IL1R1: variants seen among roughly 807,000 people sequenced by gnomAD.
The protein encoded by IL1R1 is interleukin 1 receptor type 1, also known as interleukin-1 receptor type 1.
A neutral mutation model predicts 50.2 loss-of-function variants in IL1R1; 22 were observed. The observed-to-expected ratio is 0.44, with a 90% CI of 0.31 to 0.63. The LOEUF is 0.63. Among genes scored for constraint, IL1R1 ranks in the 20% least tolerant of loss-of-function variants. The pLI, the probability that IL1R1 is intolerant of heterozygous loss-of-function variation, is 0.07. For synonymous variants in IL1R1, 251 were observed against 236.7 expected (o/e 1.06, Z -0.55); for missense variants, 509 against 676.2 (o/e 0.75, Z 2.74).
At chr2:102,130,246 G>A (rs1256990039) in intron 1 of IL1R1, among the ~76,000 whole-genome samples, 1 of 152,186 alleles carries the variant, frequency 6.6e-6, no homozygotes, top group Non-Finnish European at 1.5e-5. Flanking sequence ...ACTCTGAAAG[G>A]ATCTCAGGAA....
At chr2:102,080,271 A>G (rs1404093563) in intron 1 of IL1R1, among the ~76,000 whole-genome samples, 1 of 152,188 alleles carries the variant, frequency 6.6e-6, no homozygotes, top group Non-Finnish European at 1.5e-5. Context: ...GTTTTAAAGT[A>G]CTCTCTTAAG....
upstream of IL1R1, among the ~76,000 whole-genome samples, chr2:102,139,571 G>A (rs1265314061): frequency 6.6e-6 from 1 of 152,264 alleles, no homozygotes; most frequent in African/African-American, 2.4e-5. Context: ...GGTGGGGGCT[G>A]GTGGGAGTTG....
chr2:102,131,370 G>C (rs767725826), intron 1 of IL1R1, among the ~76,000 whole-genome samples: 2 of 152,124 alleles, frequency 1.3e-5, no homozygotes, highest in Non-Finnish European at 2.9e-5. Flanking sequence ...TGCAAATAAG[G>C]ATGATAATAA....
intron 1 of IL1R1, among the ~76,000 whole-genome samples, chr2:102,152,059 G>A (rs1250274449): frequency 2.0e-5 from 3 of 152,090 alleles, no homozygotes; most frequent in Admixed American, 6.5e-5. Context: ...AACCTAGGAG[G>A]GATAGTGGCC....
At chr2:102,084,639 C>T (rs1006760850) in intron 1 of IL1R1, among the ~76,000 whole-genome samples, 1 of 152,184 alleles carries the variant, frequency 6.6e-6, no homozygotes, top group African/African-American at 2.4e-5. Flanking sequence ...CATTGTACTG[C>T]TGATGAACAT....
intron 9 of IL1R1, 95 bp downstream of exon 9, chr2:102,172,933 C>T (rs540517439): frequency 1.8e-5 from 14 of 792,810 alleles, no homozygotes; most frequent in Admixed American, 4.9e-5. Flanking sequence ...GCTTAGAACA[C>T]GCTTCACTTC....
chr2:102,172,155 C>T (rs1387315856), intron 8 of IL1R1: 5 of 501,950 alleles, frequency 1.0e-5, no homozygotes, highest in African/African-American at 4.3e-5. Context: ...CTTTCTCTTA[C>T]GTTATACATG....
At chr2:102,096,167 A>C (rs1470266134) in intron 1 of IL1R1, among the ~76,000 whole-genome samples, 1 of 152,114 alleles carries the variant, frequency 6.6e-6, no homozygotes, top group Non-Finnish European at 1.5e-5. Context: ...TTCATTTTCC[A>C]CTCAATGAAT....
chr2:102,161,927 C>T (rs3917264), intron 3 of IL1R1, among the ~76,000 whole-genome samples: 4,044 of 152,116 alleles, frequency 0.027, 132 homozygotes, highest in African/African-American at 0.074. Flanking sequence ...GTCTCAAACT[C>T]CTGACCTCAG....
intron 1 of IL1R1, among the ~76,000 whole-genome samples, chr2:102,137,201 A>T (rs1188076347): frequency 6.6e-6 from 1 of 152,196 alleles, no homozygotes; most frequent in Non-Finnish European, 1.5e-5. Flanking sequence ...GACTGAAGTT[A>T]TACGGTACAA....
chr2:102,126,506 A>G (rs897708659), intron 1 of IL1R1, among the ~76,000 whole-genome samples: 15 of 152,294 alleles, frequency 9.8e-5, no homozygotes, highest in African/African-American at 3.6e-4. Flanking sequence ...TGTGCGAAAA[A>G]TACTTTGTGT....
At chr2:102,114,713 T>G (rs896881572) in intron 1 of IL1R1, among the ~76,000 whole-genome samples, 3 of 152,230 alleles carry the variant, frequency 2.0e-5, no homozygotes, top group Non-Finnish European at 4.4e-5. Flanking sequence ...TCTAAGCTTC[T>G]TTTTTTCTCC....
chr2:102,080,595 G>A (rs141208164), intron 1 of IL1R1, among the ~76,000 whole-genome samples: 5 of 152,258 alleles, frequency 3.3e-5, no homozygotes, highest in African/African-American at 9.6e-5. Context: ...AGAGAAACTG[G>A]TACACTCATT....
intron 1 of IL1R1, among the ~76,000 whole-genome samples, chr2:102,110,545 C>T (rs1393779652): frequency 1.4e-5 from 2 of 148,064 alleles, no homozygotes; most frequent in Non-Finnish European, 1.5e-5. Flanking sequence ...TATTAGACTT[C>T]GGCAGTCTCA....
intron 11 of IL1R1, 146 bp downstream of exon 11, chr2:102,175,791 C>T: frequency 1.4e-6 from 1 of 734,630 alleles, no homozygotes; most frequent in Non-Finnish European, 2.4e-6. Flanking sequence ...ATGATTTTTA[C>T]ATTTATTAAA....
Position 102,134,814 on chromosome 2 carries a change from T to C in IL1R1, c.-83-19127T>C, listed in dbSNP as rs138429484. On this transcript the variant is annotated intron_variant, in intron 1 of 10. Transcript: ENST00000409329. ...AGAAACTCTCATCCTAGTAAACTTG[T>C]GGCTTTCCTCTTCTTTTAAACTTTT... Among the ~76,000 whole-genome samples, 118 of 152,370 alleles carry C rather than the reference T, an allele frequency of 7.7e-4. 2 individuals carry two copies. In the East Asian group the frequency reaches 0.021, roughly 27 times the overall value.
chr2:102,093,422 G>A (rs1679766385), intron 1 of IL1R1, among the ~76,000 whole-genome samples: 1 of 152,168 alleles, frequency 6.6e-6, no homozygotes, highest in African/African-American at 2.4e-5. Context: ...ATGTAAATTT[G>A]TTTCCCAAAG....
At chr2:102,102,802 G>A (rs530655176), upstream of IL1R1, among the ~76,000 whole-genome samples, 33 of 152,186 alleles carry the variant, frequency 2.2e-4, no homozygotes, top group East Asian at 5.2e-3. Context: ...TGTACACCGC[G>A]GAATATTATG....
Position 102,174,616 on chromosome 2 carries a change from A to G in IL1R1, c.1021A>G (p.Ile341Val). The change falls in exon 10 of 12, where the codon ATA becomes GTA. Residue 341 changes from isoleucine (I) to valine (V), a missense_variant. Coordinates refer to ENST00000410023, the MANE Select transcript of IL1R1 (RefSeq NM_000877.4). ...TAATTTCCAGAAGCACATGATTGGTATATGTGTCACGTTGACAGTCATAAT... is the reference window on the plus strand; with the variant it reads ...TAATTTCCAGAAGCACATGATTGGTGTATGTGTCACGTTGACAGTCATAAT... ...VTNFQKHMIG[I>V]CVTLTVIIVC... The G allele has an allele frequency of 1.2e-6, 2 of 1,607,644 alleles. No individual in the cohort carries two copies. The highest frequency in any genetic ancestry group is 1.7e-6 in the Non-Finnish European group (2 of 1,177,678).
Sources: allele counts gnomAD v4.1 joint callset (sites outside exome capture counted in the v4.1 genomes callset), GRCh38; gene constraint gnomAD v4.1.1; transcripts MANE v1.5; gene names NCBI Gene and HGNC (gene_info 2026-07-23, HGNC 2026-07-21).